The following LIFR variants were observed in gnomAD, a reference collection of about 807,000 sequenced individuals.
LIFR encodes leukemia inhibitory factor receptor.
In LIFR, 84 loss-of-function variants were observed where a neutral mutation model predicts 122.2. That is an observed-to-expected ratio of 0.69 (90% CI 0.58 to 0.82). The LOEUF (loss-of-function observed/expected upper bound fraction) is 0.82, where lower values mean the gene tolerates loss of function less well. LIFR is among the 40% of genes least tolerant of loss of function. The probability of loss-of-function intolerance (pLI) is 0.00; values close to 1 mark genes in which losing one functional copy is unlikely to be tolerated. For synonymous variants in LIFR, 422 were observed against 434.7 expected (o/e 0.97, Z 0.36); for missense variants, 1,294 against 1,311.6 (o/e 0.99, Z 0.21).
intron 5 of LIFR, among the ~76,000 whole-genome samples, chr5:38,519,246 T>G (rs1027306908): frequency 3.3e-5 from 5 of 152,218 alleles, no homozygotes; most frequent in Non-Finnish European, 5.9e-5. Context: ...CTCAATTCAC[T>G]CACTGACTCA....
At chr5:38,552,389 T>C (rs1027510919) in intron 1 of LIFR, among the ~76,000 whole-genome samples, 2 of 152,168 alleles carry the variant, frequency 1.3e-5, no homozygotes, top group African/African-American at 4.8e-5. Flanking sequence ...GAAAAGGAAA[T>C]GCCACAAATT....
In LIFR at chr5:38,569,029, C is replaced by A. The variant is rs115395641; in HGVS notation, c.-20+26232G>T. On this transcript the variant is annotated intron_variant, in intron 1 of 19. Transcript: ENST00000263409. ...CCACCATCCCAGGAAGAGGTCATGA[C>A]CTTGGCCGAAGGCCCTCTTTTGGCA... Among the ~76,000 whole-genome samples the A allele has an allele frequency of 4.2e-3, 646 of 152,298 alleles. 4 individuals carry two copies. Among genetic ancestry groups the A allele is most frequent in the African/African-American group, 0.015 (620 of 41,556 alleles).
intron 1 of LIFR, among the ~76,000 whole-genome samples, chr5:38,550,563 T>C (rs867220702): frequency 6.6e-5 from 10 of 152,254 alleles, no homozygotes; most frequent in African/African-American, 2.2e-4. Context: ...TAAAACTGTA[T>C]ATTCTTTCAG....
chr5:38,482,752 A>G (rs530011010), intron 18 of LIFR, 85 bp from the exon 19 acceptor site: 8 of 596,276 alleles, frequency 1.3e-5, no homozygotes, highest in Non-Finnish European at 2.0e-5. Context: ...CTTATTTTGA[A>G]GTATTTATGA....
chr5:38,586,943 A>G (rs1438360428), intron 1 of LIFR, among the ~76,000 whole-genome samples: 1 of 152,198 alleles, frequency 6.6e-6, no homozygotes, highest in African/African-American at 2.4e-5. Flanking sequence ...AAATCCATCA[A>G]TTAAGCATTT....
chr5:38,605,957 G>A (rs1392437907), intron 2 of LIFR, among the ~76,000 whole-genome samples: 1 of 152,166 alleles, frequency 6.6e-6, no homozygotes, highest in Non-Finnish European at 1.5e-5. Context: ...CTCGTCGTCA[G>A]GACCTCCTGA....
At chr5:38,599,775 T>C (rs1750190247), upstream of LIFR, among the ~76,000 whole-genome samples, 1 of 151,986 alleles carries the variant, frequency 6.6e-6, no homozygotes, top group Non-Finnish European at 1.5e-5. Flanking sequence ...TTTCCCTCCA[T>C]CATTAAACTT....
At chr5:38,510,782 A>C in intron 6 of LIFR, 64 bp from the exon 7 acceptor site, 1 of 1,373,086 alleles carries the variant, frequency 7.3e-7, no homozygotes, top group Non-Finnish European at 1.0e-6. Context: ...ACTTTTCTGC[A>C]TTTTAAGACT....
intron 1 of LIFR, chr5:38,594,892 A>T (rs2112771615): frequency 4.9e-6 from 1 of 203,364 alleles, no homozygotes; most frequent in South Asian, 1.9e-4. Flanking sequence ...TGCAAGCTGG[A>T]TTTTCCTAAC....
chr5:38,598,734 CT>C (rs1426111381), upstream of LIFR, among the ~76,000 whole-genome samples: 1 of 152,136 alleles, frequency 6.6e-6, no homozygotes, highest in East Asian at 1.9e-4. Context: ...CTGCTTACCC[CT>C]TTTCTGCACT....
At chr5:38,514,835 TGTTAC>T (rs1459680221) in intron 5 of LIFR, among the ~76,000 whole-genome samples, 1 of 152,146 alleles carries the variant, frequency 6.6e-6, no homozygotes, top group African/African-American at 2.4e-5. Flanking sequence ...TTGTATTAGG[TGTTAC>T]AAATAATCTA....
intron 1 of LIFR, among the ~76,000 whole-genome samples, chr5:38,533,760 G>C (rs1747147252): frequency 6.6e-6 from 1 of 152,150 alleles, no homozygotes; most frequent in Non-Finnish European, 1.5e-5. Flanking sequence ...CAGAGAGTGA[G>C]TTAGCATGTC....
chr5:38,491,541 A>G (rs1393175476), intron 14 of LIFR, among the ~76,000 whole-genome samples: 3 of 152,198 alleles, frequency 2.0e-5, no homozygotes, highest in Non-Finnish European at 4.4e-5. Context: ...GGGGACACGC[A>G]GGGGGGATTG....
chr5:38,596,924 A>G (rs908555634), upstream of LIFR, among the ~76,000 whole-genome samples: 4 of 148,216 alleles, frequency 2.7e-5, no homozygotes, highest in African/African-American at 1.0e-4. Flanking sequence ...AAAAAAAAAA[A>G]TGCTTCCAAA....
In LIFR at chr5:38,510,682, T is replaced by C; in HGVS notation, c.773A>G (p.Asp258Gly). The C allele has an allele frequency of 6.2e-7, 1 of 1,613,526 alleles. No homozygotes were observed. The highest frequency in any genetic ancestry group is 8.5e-7 in the Non-Finnish European group (1 of 1,179,582). ...GTCTGAGCCTACAAGTATCACTTTA[T>C]CTTGAGGAAAAACCTTAGTCTGAGA... Reference protein sequence around the residue: ...PDSQTKVFPQDKVILVGSDIT... With the variant: ...PDSQTKVFPQGKVILVGSDIT... The change falls in exon 7 of 20, where the codon GAT becomes GGT. Residue 258 changes from aspartate to glycine, a missense_variant. Coordinates refer to ENST00000453190, the MANE Select transcript of LIFR (RefSeq NM_001127671.2).
In LIFR at chr5:38,475,672, A is replaced by G. The variant is rs1743692159; in HGVS notation, c.*5923T>C. Reference sequence around the variant, plus strand: ...ACAGAAACTTATATCTGTTCACAGTATGTGTATTTTGTAAACAGTAATTCA... The same window carrying G: ...ACAGAAACTTATATCTGTTCACAGTGTGTGTATTTTGTAAACAGTAATTCA... On this transcript the variant is annotated 3_prime_UTR_variant, in exon 20 of 20. Transcript: ENST00000453190. The G allele has an allele frequency of 5.3e-6, 1 of 187,696 alleles. No individual in the cohort carries two copies. Among genetic ancestry groups the G allele is most frequent in the South Asian group, 1.9e-4 (1 of 5,134 alleles). The allele number at this position is 187,696 out of a possible 1,614,324, so 11.6% of individuals were successfully genotyped here. A position where few individuals can be genotyped will look rare whatever the true frequency, so the allele number is the denominator to read the frequency against.
chr5:38,542,859 T>A (rs1426165654), intron 1 of LIFR, among the ~76,000 whole-genome samples: 1 of 152,132 alleles, frequency 6.6e-6, no homozygotes, highest in Non-Finnish European at 1.5e-5. Context: ...AAATCCAACC[T>A]TCCCCAGTGT....
rs1561131121 is a variant in LIFR, at chr5:38,484,756, G to A, written c.2591+19C>T. 13 of 1,522,654 alleles carry A rather than the reference G, an allele frequency of 8.5e-6. No homozygotes were observed. Among genetic ancestry groups the A allele is most frequent in the East Asian group, 2.3e-5 (1 of 44,412 alleles). 94.3% of individuals were successfully genotyped at this position (1,522,654 alleles called of 1,614,324 possible). ...TGCCTTTAAGAAGAAAACAGCAAGA[G>A]TAAATGCAGAACTATTACCATTCTC... On this transcript the variant is annotated intron_variant, in intron 18 of 19. Coordinates refer to ENST00000453190, the MANE Select transcript of LIFR (RefSeq NM_001127671.2).
In LIFR at chr5:38,476,581, A is replaced by G; in HGVS notation, c.*5014T>C. 4.9e-6 allele frequency: 1 copy of G among 204,766 alleles called. No homozygotes were observed. Among genetic ancestry groups the G allele is most frequent in the Non-Finnish European group, 1.0e-5 (1 of 100,232 alleles). 12.7% of individuals were successfully genotyped at this position (204,766 alleles called of 1,614,324 possible). ...AAAGGCAATCTTAGAAGATGCATGT[A>G]AATATAATATAAATCAACTTTCTTA... On this transcript the variant is annotated 3_prime_UTR_variant, in exon 20 of 20. Coordinates refer to ENST00000453190, the MANE Select transcript of LIFR (RefSeq NM_001127671.2).
Sources: gnomAD v4.1 joint callset for allele counts (sites outside exome capture counted in the v4.1 genomes callset) on GRCh38, gnomAD v4.1.1 for gene constraint, MANE v1.5 for transcripts, NCBI Gene and HGNC (gene_info 2026-07-23, HGNC 2026-07-21) for gene names.